Variants in PRKAG2 observed in about 807,000 individuals in gnomAD.
The protein encoded by PRKAG2 is protein kinase AMP-activated non-catalytic subunit gamma 2, also known as 5'-AMP-activated protein kinase subunit gamma-2.
PRKAG2 carries 26 observed loss-of-function variants against 69.6 expected under a neutral mutation model. That is an observed-to-expected ratio of 0.37 (90% CI 0.27 to 0.52). PRKAG2 has a LOEUF of 0.52. PRKAG2 is among the 20% of genes least tolerant of loss of function. The pLI is 0.90. For synonymous variants in PRKAG2, 293 were observed against 285.0 expected (o/e 1.03, Z -0.28); for missense variants, 557 against 740.0 (o/e 0.75, Z 2.87).
chr7:151,795,865 A>ACG (rs2077488621), intron 1 of PRKAG2, among the ~76,000 whole-genome samples: 1 of 111,756 alleles, frequency 8.9e-6, no homozygotes, highest in South Asian at 2.7e-4. Context: ...ATATATATAT[A>ACG]TATATATATA....
At chr7:151,592,874 A>C (rs1022574128) in intron 6 of PRKAG2, among the ~76,000 whole-genome samples, 2 of 152,082 alleles carry the variant, frequency 1.3e-5, no homozygotes, top group Non-Finnish European at 2.9e-5. Flanking sequence ...AAAATACTCA[A>C]ATCACCCCTT....
intron 1 of PRKAG2, among the ~76,000 whole-genome samples, chr7:151,821,055 T>C: frequency 1.4e-4 from 1 of 6,998 alleles, no homozygotes; most frequent in Non-Finnish European, 4.6e-4. Context: ...GAAGGAAAGC[T>C]GTGGAGACAG....
intron 3 of PRKAG2, among the ~76,000 whole-genome samples, chr7:151,727,758 A>G (rs1798233448): frequency 6.6e-6 from 1 of 152,116 alleles, no homozygotes. Flanking sequence ...CAGGCCCTGT[A>G]TCCCCTGGGA....
chr7:151,781,127 T>A lies in PRKAG2; in HGVS notation c.466+25A>T, dbSNP rs1340187333. On this transcript the variant is annotated intron_variant, in intron 3 of 15. Coordinates refer to ENST00000287878, the MANE Select transcript of PRKAG2 (RefSeq NM_016203.4). This position sits in a 1 kb window ranked among gnomAD's most constrained non-coding sequence, Gnocchi z 6.1. The stretch of plus-strand genomic sequence containing the variant: ...GACCCCCAGCACCCCAGCACCCACC[T>A]GAAACAATAGCATCAAGGTCTTACT... 5.6e-6 allele frequency: 9 copies of A among 1,613,178 alleles called. No individual in the cohort carries two copies. Among genetic ancestry groups the A allele is most frequent in the Non-Finnish European group, 7.6e-6 (9 of 1,179,984 alleles).
chr7:151,856,386 C>T (rs543260355), intron 1 of PRKAG2, among the ~76,000 whole-genome samples: 21 of 152,348 alleles, frequency 1.4e-4, no homozygotes, highest in African/African-American at 1.7e-4. Context: ...GGCCCCGAGG[C>T]GGGCCCCTGC....
At position 151,699,167 on chromosome 7, in the gene PRKAG2, T is replaced by C. The variant is rs6952398; in HGVS notation, c.467-23530A>G. Among the ~76,000 whole-genome samples the C allele has an allele frequency of 0.43, 64,670 of 152,116 alleles. 14,607 individuals are homozygous for C. Among genetic ancestry groups the C allele is most frequent in the African/African-American group, 0.57 (23,656 of 41,478 alleles). On this transcript the variant is annotated intron_variant, in intron 3 of 15. Transcript: ENST00000287878. This position sits in a 1 kb window ranked among gnomAD's most constrained non-coding sequence, Gnocchi z 4.5. ...CCTCTGTCCCCATCCCTGCCCCAAG[T>C]TGTGTCTCTTTGACACCTGGGATGT...
intron 3 of PRKAG2, among the ~76,000 whole-genome samples, chr7:151,726,552 C>T (rs559740007): frequency 8.9e-4 from 135 of 152,266 alleles, no homozygotes; most frequent in Non-Finnish European, 1.7e-3. Context: ...CTGGAAACCA[C>T]GGTGTCCATT....
At chr7:151,571,015 C>A (rs1172684982) in intron 9 of PRKAG2, among the ~76,000 whole-genome samples, 1 of 151,978 alleles carries the variant, frequency 6.6e-6, no homozygotes, top group Non-Finnish European at 1.5e-5. Flanking sequence ...AAGTGATCCA[C>A]CTACTTCAGC....
At chr7:151,560,706 T>C (rs1804749003) in intron 14 of PRKAG2, 89 bp from the exon 15 acceptor site, 6 of 1,509,634 alleles carry the variant, frequency 4.0e-6, no homozygotes, top group African/African-American at 2.7e-5. Flanking sequence ...CATGTTTTTA[T>C]ATGATCAACA....
At position 151,678,281 on chromosome 7, in the gene PRKAG2, G is replaced by A. The variant is rs898750013; in HGVS notation, c.467-2644C>T. Among the ~76,000 whole-genome samples, 9 of 152,146 alleles carry A rather than the reference G, an allele frequency of 5.9e-5. No homozygotes were observed. In the East Asian group the frequency reaches 9.6e-4, roughly 16 times the overall value. On this transcript the variant is annotated intron_variant, in intron 3 of 15. Coordinates refer to ENST00000287878, the MANE Select transcript of PRKAG2 (RefSeq NM_016203.4). ...AAGATCTACCGTCTGTCTTGGGGAC[G>A]GGGGTCCTGCCACTCCCTCTGGGCC...
chr7:151,827,745 TAAAAAA>T (rs55685618), intron 1 of PRKAG2, among the ~76,000 whole-genome samples: 751 of 52,240 alleles, frequency 0.014, 12 homozygotes, highest in Middle Eastern at 0.065. Context: ...TGGCCTTAGG[TAAAAAA>T]AAAAAAAAAA....
At chr7:151,631,885 C>T (rs913681775) in intron 5 of PRKAG2, 184 bp downstream of exon 5, 17 of 527,714 alleles carry the variant, frequency 3.2e-5, no homozygotes, top group African/African-American at 2.1e-4. Context: ...CCCGGTACCC[C>T]GCAGCCCGAG....
intron 1 of PRKAG2, among the ~76,000 whole-genome samples, chr7:151,847,520 G>A (rs1230313034): frequency 6.6e-6 from 1 of 152,130 alleles, no homozygotes; most frequent in African/African-American, 2.4e-5. Context: ...CGACACCTGA[G>A]ACCCTGTGAA....
At chr7:151,784,853 C>T (rs1034254604) in intron 2 of PRKAG2, among the ~76,000 whole-genome samples, 34 of 152,156 alleles carry the variant, frequency 2.2e-4, no homozygotes, top group African/African-American at 7.5e-4. Context: ...GGAAAATGGC[C>T]GAAGCATGCT....
intron 1 of PRKAG2, among the ~76,000 whole-genome samples, chr7:151,801,456 C>A (rs1046312258): frequency 3.9e-5 from 6 of 152,116 alleles, no homozygotes; most frequent in Non-Finnish European, 7.3e-5. Flanking sequence ...ACAGAGGGCT[C>A]CAGATGGAGG....
intron 5 of PRKAG2, among the ~76,000 whole-genome samples, chr7:151,624,621 G>A (rs1023293447): frequency 2.0e-5 from 3 of 152,134 alleles, no homozygotes; most frequent in African/African-American, 7.2e-5. Flanking sequence ...AAGGTGTCAA[G>A]GCGATTTCCT....
In PRKAG2 at chr7:151,558,037, C is replaced by T. The variant is rs1426725164; in HGVS notation, c.1679-805G>A. On this transcript the variant is annotated intron_variant, in intron 15 of 15. Coordinates refer to ENST00000287878, the MANE Select transcript of PRKAG2 (RefSeq NM_016203.4). ...GCTTCTCTCCTAATTTTTCACCAGA[C>T]GCTAGACCCCTGAAAGAGATCGGCA... The T allele has an allele frequency of 2.3e-5, 23 of 985,162 alleles. No individual in the cohort carries two copies. In the South Asian group the frequency reaches 6.6e-4, roughly 28 times the overall value. The allele number at this position is 985,162 out of a possible 1,614,324, so 61.0% of individuals were successfully genotyped here. A position where few individuals can be genotyped will look rare whatever the true frequency, so the allele number is the denominator to read the frequency against.
chr7:151,779,489 C>T (rs1356759250), intron 3 of PRKAG2, among the ~76,000 whole-genome samples: 1 of 152,166 alleles, frequency 6.6e-6, no homozygotes, highest in Non-Finnish European at 1.5e-5. Context: ...TGGTTCCTGC[C>T]AGAGCTTCAA....
chr7:151,769,272 T>C (rs1303316901), intron 3 of PRKAG2, among the ~76,000 whole-genome samples: 1 of 152,222 alleles, frequency 6.6e-6, no homozygotes, highest in Non-Finnish European at 1.5e-5. Flanking sequence ...TGCGCTGGGT[T>C]AGACAGTGCC....
Sources: allele counts gnomAD v4.1 joint callset (sites outside exome capture counted in the v4.1 genomes callset), GRCh38; gene constraint gnomAD v4.1.1; non-coding constraint Gnocchi (gnomAD v3.1); transcripts MANE v1.5; gene names NCBI Gene and HGNC (gene_info 2026-07-23, HGNC 2026-07-21).